The following CFAP100 variants were observed in gnomAD, a reference collection of about 807,000 sequenced individuals.
CFAP100 encodes the protein cilia- and flagella-associated protein 100.
CFAP100 carries 70 observed loss-of-function variants against 81.5 expected under a neutral mutation model. The ratio of observed to expected loss-of-function variants is 0.86; its 90% CI spans 0.71 to 1.05. The LOEUF is 1.05. Among genes scored for constraint, CFAP100 ranks in the 50% least tolerant of loss-of-function variants. The pLI, the probability that CFAP100 is intolerant of heterozygous loss-of-function variation, is 0.00. For synonymous variants in CFAP100, 341 were observed against 314.8 expected (o/e 1.08, Z -0.88); for missense variants, 811 against 776.5 (o/e 1.04, Z -0.53).
At chr3:126,402,158 T>C (rs958025584) in intron 2 of CFAP100, among the ~76,000 whole-genome samples, 1 of 152,248 alleles carries the variant, frequency 6.6e-6, no homozygotes, top group African/African-American at 2.4e-5. Context: ...GATGCCACTC[T>C]GAGGAGGCCT....
At chr3:126,419,525 CAAG>C in intron 8 of CFAP100, 109 bp from the exon 9 acceptor site, 1 of 952,744 alleles carries the variant, frequency 1.0e-6, no homozygotes, top group Non-Finnish European at 1.6e-6. Context: ...TCAAGGAAAA[CAAG>C]GAGCCCACAC....
At chr3:126,418,169 G>C (rs2083271804) in intron 5 of CFAP100, 1 of 405,686 alleles carries the variant, frequency 2.5e-6, no homozygotes, top group African/African-American at 2.0e-5. Context: ...GGGGTGTCCA[G>C]AGCCTTACTG....
In CFAP100 at chr3:126,423,522, G is replaced by T. The variant is rs762956609; in HGVS notation, c.1164G>T (p.Gln388His). Residue 388 changes from glutamine (Q) to histidine (H), a missense_variant, in exon 13 of 17, where the codon CAG becomes CAT. Physicochemically the swap from Gln to His is conservative, Grantham distance 24. Transcript: ENST00000352312. ...EEPQLYFTEP[Q>H]QLLDVFRELE... ...CACAGCTGTACTTCACGGAGCCCCA[G>T]CAGCTCCTGGATGTCTTCCGAGAGC... is the stretch of plus-strand genomic sequence containing the variant. 4 of 1,614,050 alleles carry T rather than the reference G, an allele frequency of 2.5e-6. No homozygotes were observed. The East Asian group carries it at 6.7e-5, about 27-fold the overall frequency.
intron 13 of CFAP100, among the ~76,000 whole-genome samples, chr3:126,432,625 A>G (rs535526663): frequency 6.8e-6 from 1 of 147,134 alleles, no homozygotes; most frequent in East Asian, 2.0e-4. Context: ...ATTTTTATGA[A>G]GTGTTCAGGG....
Position 126,432,892 on chromosome 3 carries a change from C to T in CFAP100, c.1287-177C>T, listed in dbSNP as rs1342325321. 4 of 505,020 alleles carry T rather than the reference C, an allele frequency of 7.9e-6. No homozygotes were observed. The Admixed American group carries it at 1.1e-4, about 14-fold the overall frequency. 31.3% of individuals were successfully genotyped at this position (505,020 alleles called of 1,614,324 possible). A position where few individuals can be genotyped will look rare whatever the true frequency, so the allele number is the denominator to read the frequency against. On this transcript the variant is annotated intron_variant, in intron 13 of 16. Coordinates refer to ENST00000352312, the MANE Select transcript of CFAP100 (RefSeq NM_182628.3). ...TTGATTGTTAAATATTTTACATTTT[C>T]CCCTACATTCTACCAGCATTTCTGA...
chr3:126,420,775 ACG>A (rs2083318371), intron 11 of CFAP100: 1 of 155,278 alleles, frequency 6.4e-6, no homozygotes, highest in African/African-American at 2.4e-5. Context: ...CACGGTCACT[ACG>A]TGGGTGAGGT....
chr3:126,409,291 G>A (rs770424990), intron 3 of CFAP100, among the ~76,000 whole-genome samples: 10 of 152,270 alleles, frequency 6.6e-5, no homozygotes, highest in Non-Finnish European at 1.5e-4. Context: ...CTCATATCCC[G>A]TCTGGGAGAA....
chr3:126,412,580 T>G (rs1368000211), intron 3 of CFAP100, among the ~76,000 whole-genome samples: 2 of 152,238 alleles, frequency 1.3e-5, no homozygotes, highest in African/African-American at 4.8e-5. Flanking sequence ...ATTTCCTTCT[T>G]TATTCTGTTA....
chr3:126,416,227 C>CCGCGTCCCCGGCCTCAGGGCCG, intron 4 of CFAP100, 89 bp from the exon 5 acceptor site: 1 of 1,096,178 alleles, frequency 9.1e-7, no homozygotes, highest in Non-Finnish European at 1.3e-6. Context: ...GCGCGCAAAC[C>CCGCGTCCCCGGCCTCAGGGCCG]CGCGTCCCTA....
intron 2 of CFAP100, among the ~76,000 whole-genome samples, chr3:126,401,375 G>A (rs1438556003): frequency 6.9e-5 from 8 of 116,358 alleles, no homozygotes; most frequent in Admixed American, 4.8e-4. Flanking sequence ...AGTTTCAATG[G>A]CATAAAATGG....
intron 3 of CFAP100, among the ~76,000 whole-genome samples, chr3:126,411,741 T>C (rs1485302129): frequency 6.6e-6 from 1 of 152,168 alleles, no homozygotes; most frequent in Non-Finnish European, 1.5e-5. Flanking sequence ...ATTTCTGTGG[T>C]GGTGGATGAA....
At chr3:126,417,820 A>G (rs1181598445) in intron 5 of CFAP100, among the ~76,000 whole-genome samples, 2 of 152,206 alleles carry the variant, frequency 1.3e-5, no homozygotes, top group African/African-American at 4.8e-5. Context: ...AGGGCCAGAG[A>G]GCCCCATGGT....
At chr3:126,433,019 C>T in intron 13 of CFAP100, 50 bp from the exon 14 acceptor site, 1 of 1,607,740 alleles carries the variant, frequency 6.2e-7, no homozygotes, top group Non-Finnish European at 8.5e-7. Flanking sequence ...AGCGATGTGC[C>T]CAGGGCTGTG....
intron 16 of CFAP100, among the ~76,000 whole-genome samples, chr3:126,435,906 TA>T (rs1304125719): frequency 1.3e-5 from 2 of 151,906 alleles, no homozygotes; most frequent in Non-Finnish European, 2.9e-5. Context: ...CCCAGCCAGG[TA>T]CACTCTGCTC....
intron 11 of CFAP100, 152 bp from the exon 12 acceptor site, chr3:126,423,173 G>A (rs1426616080): frequency 3.2e-6 from 2 of 615,868 alleles, no homozygotes; most frequent in Non-Finnish European, 5.8e-6. Flanking sequence ...GGGACTGTGA[G>A]GAAGCTGGTG....
At chr3:126,398,770 A>C (rs2082927895) in intron 2 of CFAP100, among the ~76,000 whole-genome samples, 1 of 152,242 alleles carries the variant, frequency 6.6e-6, no homozygotes, top group Non-Finnish European at 1.5e-5. Flanking sequence ...CATGCAGCCC[A>C]CATCAGGCCA....
intron 3 of CFAP100, among the ~76,000 whole-genome samples, chr3:126,411,833 G>T (rs2083161310): frequency 6.6e-6 from 1 of 152,108 alleles, no homozygotes; most frequent in Non-Finnish European, 1.5e-5. Context: ...GGTCTACACA[G>T]ATTTTATTTT....
rs570287700 is a variant in CFAP100 at position 126,420,002 on chromosome 3, G to A, written c.936G>A (p.Ala312=). ...CAGGACCAGGGATCAAGGGCAAGGC[G>A]AGCTCCATGTGGGCCAAAGGTGAGC... ...GDKGPGIKGK[A]SSMWAKEGQG... The change falls in exon 10 of 17, where the codon GCG becomes GCA. Residue 312 remains alanine (A), a synonymous_variant. Transcript: ENST00000352312. 7.4e-6 allele frequency: 12 copies of A among 1,613,164 alleles called. No individual in the cohort carries two copies. In the African/African-American group the frequency reaches 8.0e-5, roughly 11 times the overall value.
intron 15 of CFAP100, among the ~76,000 whole-genome samples, chr3:126,434,744 G>A (rs1014822455): frequency 6.6e-6 from 1 of 152,180 alleles, no homozygotes; most frequent in Admixed American, 6.5e-5. Context: ...CGGCCAGGTA[G>A]GGTGTGGTTA....
Sources: allele counts gnomAD v4.1 joint callset (sites outside exome capture counted in the v4.1 genomes callset), GRCh38; gene constraint gnomAD v4.1.1; transcripts MANE v1.5; gene names NCBI Gene and HGNC (gene_info 2026-07-23, HGNC 2026-07-21).